ABCG1: variants seen among roughly 807,000 people sequenced by gnomAD.
ABCG1 encodes ATP-binding cassette sub-family G member 1.
ABCG1 carries 29 observed loss-of-function variants against 69.2 expected under a neutral mutation model. The ratio of observed to expected loss-of-function variants is 0.42; its 90% CI spans 0.31 to 0.57. The LOEUF is 0.57. ABCG1 is among the 20% of genes least tolerant of loss of function. ABCG1 has a pLI of 0.15. For missense variants in ABCG1, 718 were observed against 898.1 expected, an observed-to-expected ratio of 0.80 and a Z score of 2.56; for synonymous variants, 370 against 374.8, an observed-to-expected ratio of 0.99 and a Z score of 0.15.
chr21:42,227,356 A>G (rs1440003818), intron 2 of ABCG1, among the ~76,000 whole-genome samples: 1 of 152,234 alleles, frequency 6.6e-6, no homozygotes, highest in African/African-American at 2.4e-5. Context: ...ATTTTATAGA[A>G]AAATGTATCA....
chr21:42,202,570 C>T (rs898786138), intron 2 of ABCG1, among the ~76,000 whole-genome samples: 4 of 151,638 alleles, frequency 2.6e-5, no homozygotes, highest in African/African-American at 9.7e-5. Flanking sequence ...AACTTAGTCA[C>T]CCCCATCTTA....
intron 14 of ABCG1, 134 bp downstream of exon 14, chr21:42,294,794 G>A: frequency 2.6e-6 from 2 of 764,290 alleles, no homozygotes; most frequent in Non-Finnish European, 4.6e-6. Context: ...GAGGATCCAG[G>A]CCTTCCATCT....
intron 2 of ABCG1, among the ~76,000 whole-genome samples, chr21:42,270,141 T>C (rs2068589448): frequency 6.6e-6 from 1 of 151,618 alleles, no homozygotes; most frequent in Non-Finnish European, 1.5e-5. Flanking sequence ...GCGCCTCTAG[T>C]ACTAGCTACT....
At chr21:42,236,229 C>T (rs534097971) in intron 2 of ABCG1, among the ~76,000 whole-genome samples, 5 of 152,356 alleles carry the variant, frequency 3.3e-5, no homozygotes, top group East Asian at 3.9e-4. Context: ...TCACGCTTCC[C>T]GGCTGCCTGC....
At chr21:42,272,273 G>T (rs1601423761) in intron 3 of ABCG1, among the ~76,000 whole-genome samples, 1 of 152,280 alleles carries the variant, frequency 6.6e-6, no homozygotes. Flanking sequence ...GAGTATTCTT[G>T]CAGGGGTGGC....
chr21:42,248,405 C>CT (rs2068165709), intron 2 of ABCG1, among the ~76,000 whole-genome samples: 1 of 152,170 alleles, frequency 6.6e-6, no homozygotes, highest in Admixed American at 6.5e-5. Flanking sequence ...GCAAGGAAGA[C>CT]TGTGAGGCAC....
intron 2 of ABCG1, chr21:42,259,621 C>G: frequency 6.9e-7 from 1 of 1,439,130 alleles, no homozygotes; most frequent in Non-Finnish European, 9.1e-7. Context: ...CTAACTGTCA[C>G]TCATTTGATA....
intron 2 of ABCG1, among the ~76,000 whole-genome samples, chr21:42,210,438 G>A (rs1191537640): frequency 6.6e-6 from 1 of 152,114 alleles, no homozygotes; most frequent in Non-Finnish European, 1.5e-5. Flanking sequence ...TAATTTTCCG[G>A]TATCTGTCTC....
chr21:42,241,293 C>T (rs751563981), intron 2 of ABCG1, among the ~76,000 whole-genome samples: 7 of 152,128 alleles, frequency 4.6e-5, no homozygotes, highest in South Asian at 4.1e-4. Context: ...TAAACAGAAA[C>T]GGGGAAATTC....
Position 42,287,766 on chromosome 21 carries a change from A to G in ABCG1, c.974-123A>G. The G allele has an allele frequency of 1.0e-6, 1 of 998,620 alleles. No homozygotes were observed. Among genetic ancestry groups the G allele is most frequent in the Non-Finnish European group, 1.4e-6 (1 of 689,684 alleles). The allele number at this position is 998,620 out of a possible 1,614,324, so 61.9% of individuals were successfully genotyped here. On this transcript the variant is annotated intron_variant, in intron 8 of 14. Transcript: ENST00000398449. This position sits in a 1 kb window ranked among gnomAD's most constrained non-coding sequence, Gnocchi z 6.2. ...ATGATTTTGACGTCATGCCATTAGC[A>G]CCGCCACGCAGCATCTATGTAATCG...
rs559887765 is a variant in ABCG1, at chr21:42,291,880, G to A, written c.1653+224G>A. On this transcript the variant is annotated intron_variant, in intron 13 of 14. Coordinates refer to ENST00000398449, the MANE Select transcript of ABCG1 (RefSeq NM_016818.3). This position sits in a 1 kb window ranked among gnomAD's most constrained non-coding sequence, Gnocchi z 6.4. ...CACGTGTGCTGACTGCGTGCTGGGCGCTCTTCCCAGCGCTTCCCAGATCTG... is the reference window on the plus strand; with the variant it reads ...CACGTGTGCTGACTGCGTGCTGGGCACTCTTCCCAGCGCTTCCCAGATCTG... Among the ~76,000 whole-genome samples, 4 of 152,280 alleles carry A rather than the reference G, an allele frequency of 2.6e-5. No individual in the cohort carries two copies. Among genetic ancestry groups the A allele is most frequent in the South Asian group, 2.1e-4 (1 of 4,830 alleles).
In ABCG1 at chr21:42,285,776, A is replaced by T. The variant is rs2068927889; in HGVS notation, c.859-104A>T. On this transcript the variant is annotated intron_variant, in intron 7 of 14. Coordinates refer to ENST00000398449, the MANE Select transcript of ABCG1 (RefSeq NM_016818.3). ...GAGGAAGTGGCTGATCGCTGGGCTG[A>T]CTGATTGATCGGTTGATTGATTGGT... 3 of 802,064 alleles carry T rather than the reference A, an allele frequency of 3.7e-6. No individual in the cohort carries two copies. In the African/African-American group the frequency reaches 5.1e-5, roughly 14 times the overall value. The allele number at this position is 802,064 out of a possible 1,614,324, so 49.7% of individuals were successfully genotyped here. A position where few individuals can be genotyped will look rare whatever the true frequency, so the allele number is the denominator to read the frequency against.
intron 2 of ABCG1, among the ~76,000 whole-genome samples, chr21:42,209,297 C>T (rs1016098195): frequency 2.0e-5 from 3 of 152,200 alleles, no homozygotes; most frequent in South Asian, 2.1e-4. Flanking sequence ...GAGGGTCCAG[C>T]GATGGCACCT....
At chr21:42,292,074 C>T (rs1341932811) in intron 13 of ABCG1, among the ~76,000 whole-genome samples, 1 of 152,144 alleles carries the variant, frequency 6.6e-6, no homozygotes. Flanking sequence ...GGGGTTCCCT[C>T]GGCCTCTCCA....
chr21:42,248,902 CA>C lies in ABCG1; in HGVS notation c.287-22150del, dbSNP rs71332356. Among the ~76,000 whole-genome samples the C allele has an allele frequency of 4.2e-3, 381 of 91,052 alleles. 1 individual carries two copies. The highest frequency in any genetic ancestry group is 1.0e-2 in the African/African-American group (244 of 24,432). The allele number at this position is 91,052 out of a possible 152,430, so 59.7% of individuals were successfully genotyped here. A position where few individuals can be genotyped will look rare whatever the true frequency, so the allele number is the denominator to read the frequency against. On this transcript the variant is annotated intron_variant, in intron 2 of 14. Coordinates refer to ENST00000398449, the MANE Select transcript of ABCG1 (RefSeq NM_016818.3). ...CTGAGTGACAGAGCAAGACCTCTCT[CA>C]AAAAAAAAAAAAAAAAAGAGCGAAT...
chr21:42,235,812 T>C (rs147356947), intron 2 of ABCG1, among the ~76,000 whole-genome samples: 2 of 152,312 alleles, frequency 1.3e-5, no homozygotes, highest in African/African-American at 4.8e-5. Context: ...CAGGCTACGA[T>C]AAGGCATGTC....
chr21:42,280,893 G>A (rs976576750), intron 5 of ABCG1, among the ~76,000 whole-genome samples: 1 of 152,238 alleles, frequency 6.6e-6, no homozygotes, highest in Non-Finnish European at 1.5e-5. Context: ...TGCCCACCTT[G>A]CACGCCCCCC....
chr21:42,229,259 A>C (rs957473243), intron 2 of ABCG1, among the ~76,000 whole-genome samples: 8 of 152,192 alleles, frequency 5.3e-5, no homozygotes, highest in African/African-American at 1.7e-4. Flanking sequence ...TACTTCTCTG[A>C]CTGCTCTCAG....
rs554845864 is a variant in ABCG1, at chr21:42,288,783, AAAAG to A, written c.1224+487_1224+490del. Among the ~76,000 whole-genome samples, 5 of 152,090 alleles carry A rather than the reference AAAAG, an allele frequency of 3.3e-5. No individual in the cohort carries two copies. The highest frequency in any genetic ancestry group is 1.3e-4 in the Admixed American group (2 of 15,276). ...AGGGAAGGGAAGGAAAGGAAAGGAAAAAAGAAAGAAAGAAAGAAATGCCTGAGCC... is the reference window on the plus strand; with the variant it reads ...AGGGAAGGGAAGGAAAGGAAAGGAAAAAAGAAAGAAAGAAATGCCTGAGCC... On this transcript the variant is annotated intron_variant, in intron 10 of 14. Transcript: ENST00000398449. This position sits in a 1 kb window ranked among gnomAD's most constrained non-coding sequence, Gnocchi z 4.8.
Sources: allele counts gnomAD v4.1 joint callset (sites outside exome capture counted in the v4.1 genomes callset), GRCh38; gene constraint gnomAD v4.1.1; non-coding constraint Gnocchi (gnomAD v3.1); transcripts MANE v1.5; gene names NCBI Gene and HGNC (gene_info 2026-07-23, HGNC 2026-07-21).